Variants in ANO9 observed in about 807,000 individuals in gnomAD.
ANO9 encodes anoctamin 9.
In ANO9, 80 loss-of-function variants were observed where a neutral mutation model predicts 100.5. That is an observed-to-expected ratio of 0.80 (90% CI 0.66 to 0.96). The LOEUF (loss-of-function observed/expected upper bound fraction) is 0.96, where lower values mean the gene tolerates loss of function less well. Among genes scored for constraint, ANO9 ranks in the 40% least tolerant of loss-of-function variants. The probability of loss-of-function intolerance (pLI) is 0.00; values close to 1 mark genes in which losing one functional copy is unlikely to be tolerated. For synonymous variants in ANO9, 473 were observed against 435.6 expected (o/e 1.09, Z -1.07); for missense variants, 1,064 against 1,072.7 (o/e 0.99, Z 0.11).
In ANO9 at chr11:435,092, T is replaced by G. The variant is rs1849345424; in HGVS notation, c.7-994A>C. ...AGCAGAAGGATATAGTATTGTAGTG[T>G]AGTGTAGTGTAGTATAGGATAGCAT... On this transcript the variant is annotated intron_variant, in intron 1 of 22. Coordinates refer to ENST00000332826, the MANE Select transcript of ANO9 (RefSeq NM_001012302.3). Among the ~76,000 whole-genome samples, 4 of 152,244 alleles carry G rather than the reference T, an allele frequency of 2.6e-5. No homozygotes were observed. In the South Asian group the frequency reaches 8.3e-4, roughly 32 times the overall value.
At chr11:440,641 T>A (rs1290802776) in intron 1 of ANO9, 1 of 152,436 alleles carries the variant, frequency 6.6e-6, no homozygotes. Flanking sequence ...GCAACCCTCC[T>A]GCCTCAGCCT....
intron 1 of ANO9, among the ~76,000 whole-genome samples, chr11:436,054 T>C (rs1229475580): frequency 6.7e-6 from 1 of 148,376 alleles, no homozygotes; most frequent in Admixed American, 6.7e-5. Context: ...TTTTTTTTTC[T>C]TTTCTTTCCT....
chr11:436,501 G>C (rs1030791598), intron 1 of ANO9, among the ~76,000 whole-genome samples: 2 of 151,728 alleles, frequency 1.3e-5, no homozygotes, highest in Non-Finnish European at 2.9e-5. Flanking sequence ...CTCAACCACA[G>C]AAGCCAGGAA....
chr11:433,317 G>C lies in ANO9; in HGVS notation c.347C>G (p.Thr116Arg). ...LAAPTTIPVT[T>R]SLRIRIVNFV... ...GGCTCTGGGTGCAGCCTCTCACCTC[G>C]TGGTGACCGGGATGGTGGTCGGCGC... The change falls in exon 4 of 23, where the codon ACG becomes AGG. Residue 116 changes from threonine (T) to arginine (R), a missense_variant. Physicochemically the swap from Thr to Arg is moderately conservative, Grantham distance 71. Coordinates refer to ENST00000332826, the MANE Select transcript of ANO9 (RefSeq NM_001012302.3). 1 of 1,611,778 alleles carries C rather than the reference G, an allele frequency of 6.2e-7. No individual in the cohort carries two copies. The highest frequency in any genetic ancestry group is 8.5e-7 in the Non-Finnish European group (1 of 1,179,514).
At chr11:423,885 TCA>T (rs57182615) in intron 15 of ANO9, among the ~76,000 whole-genome samples, 1,499 of 143,348 alleles carry the variant, frequency 0.01, 6 homozygotes, top group Admixed American at 0.016. Context: ...AGTTGAATAC[TCA>T]CACACACACA....
chr11:425,273 G>C (rs971602289), intron 15 of ANO9, among the ~76,000 whole-genome samples: 1 of 6,102 alleles, frequency 1.6e-4, no homozygotes, highest in Non-Finnish European at 3.5e-4. Context: ...AAGGCGGCGT[G>C]GAGAGACGGG....
chr11:419,463 A>C, intron 20 of ANO9, 119 bp downstream of exon 20: 2 of 1,461,860 alleles, frequency 1.4e-6, no homozygotes, highest in Non-Finnish European at 1.8e-6. Flanking sequence ...AGCCTCACTA[A>C]AGCCCCAGGG....
intron 17 of ANO9, 27 bp downstream of exon 17, chr11:420,918 C>T (rs764289119): frequency 5.1e-6 from 8 of 1,567,886 alleles, no homozygotes; most frequent in East Asian, 2.3e-5. Flanking sequence ...CTGGGGCTCC[C>T]GGGGCTGGGC....
In ANO9 at chr11:433,423, G is replaced by A. The variant is rs778341013; in HGVS notation, c.241C>T (p.Arg81Cys). 1.5e-4 allele frequency: 238 copies of A among 1,613,170 alleles called. 1 individual carries two copies. Among genetic ancestry groups the A allele is most frequent in the Admixed American group, 2.2e-4 (13 of 59,958 alleles). ...RDQKQVFFGIRADNSVFGLYR... is the reference protein window; with the variant it reads ...RDQKQVFFGICADNSVFGLYR... ...AGGCCAAAGACACTGTTGTCAGCAC[G>A]GATCCCAAAGAAGACCTGTTTCTGG... The change falls in exon 4 of 23, where the codon CGT (arginine) becomes TGT (cysteine). Residue 81 changes from arginine (R) to cysteine (C), a missense_variant. Coordinates refer to ENST00000332826, the MANE Select transcript of ANO9 (RefSeq NM_001012302.3).
At position 420,606 on chromosome 11, in the gene ANO9, T is replaced by C. The variant is rs1848114540; in HGVS notation, c.1643A>G (p.Tyr548Cys). 5 of 1,604,866 alleles carry C rather than the reference T, an allele frequency of 3.1e-6. No homozygotes were observed. Among genetic ancestry groups the C allele is most frequent in the Non-Finnish European group, 4.2e-6 (5 of 1,179,466 alleles). Residue 548 changes from tyrosine to cysteine, a missense_variant, in exon 19 of 23, where the codon TAC (tyrosine) becomes TGC (cysteine). Coordinates refer to ENST00000332826, the MANE Select transcript of ANO9 (RefSeq NM_001012302.3). ...GGCCACGAAGATGGTGGTGAAGCCG[T>C]ACTGGATCACTGCGCGGTGGGGGTC... ...FDEFMEMMIQ[Y>C]GFTTIFVAAF... is the part of the protein sequence containing the mutation.
intron 1 of ANO9, among the ~76,000 whole-genome samples, chr11:439,512 A>G (rs1845679376): frequency 1.1e-5 from 1 of 88,436 alleles, no homozygotes; most frequent in African/African-American, 5.8e-5. Context: ...CCAGCTGTGC[A>G]TGAGAAGGAG....
chr11:428,896 A>G (rs1161111217), intron 11 of ANO9, 70 bp from the exon 12 acceptor site: 11 of 1,443,458 alleles, frequency 7.6e-6, no homozygotes, highest in Non-Finnish European at 9.6e-6. Flanking sequence ...AGACACAGAG[A>G]CACACCTCAC....
At chr11:418,668 G>C in intron 22 of ANO9, 52 bp downstream of exon 22, 1 of 1,611,018 alleles carries the variant, frequency 6.2e-7, no homozygotes, top group Non-Finnish European at 8.5e-7. Flanking sequence ...GAGAAGGACT[G>C]GGGAGAGCAC....
At chr11:430,221 A>G (rs1463857913) in intron 8 of ANO9, 42 bp from the exon 9 acceptor site, 3 of 1,550,658 alleles carry the variant, frequency 1.9e-6, no homozygotes, top group Non-Finnish European at 2.6e-6. Flanking sequence ...TCCTCCAGGC[A>G]GCAGGGCCCA....
chr11:433,876 G>A lies in ANO9; in HGVS notation c.143C>T (p.Pro48Leu), dbSNP rs1198784823. ...GAACTGTTGCTGCCGCGCCTGCCGGGGGTCTCTCTGGGTGTGACGTTGGGC... is the reference window on the plus strand; with the variant it reads ...GAACTGTTGCTGCCGCGCCTGCCGGAGGTCTCTCTGGGTGTGACGTTGGGC... ...LVAQRHTQRD[P>L]RQARQQQFLE... is the part of the protein sequence containing the mutation. The change falls in exon 3 of 23, where the codon CCC (proline) becomes CTC (leucine). Residue 48 changes from proline (P) to leucine (L), a missense_variant. Pro to Leu is a moderately conservative substitution (Grantham distance 98). Transcript: ENST00000332826. 1 of 1,563,280 alleles carries A rather than the reference G, an allele frequency of 6.4e-7. No individual in the cohort carries two copies. Among genetic ancestry groups the A allele is most frequent in the East Asian group, 2.3e-5 (1 of 42,876 alleles).
rs542960635 is a variant in ANO9 at position 432,994 on chromosome 11, T to C, written c.350+320A>G. 2.8e-6 allele frequency: 1 copy of C among 353,358 alleles called. No individual in the cohort carries two copies. The highest frequency in any genetic ancestry group is 2.1e-5 in the African/African-American group (1 of 46,850). The allele number at this position is 353,358 out of a possible 1,614,324, so 21.9% of individuals were successfully genotyped here. A position where few individuals can be genotyped will look rare whatever the true frequency, so the allele number is the denominator to read the frequency against. ...GGTCTTCAAGAGACACTGGCCTTGA[T>C]CCAGGAGGGGCCCCTGGGCCTCTGC... On this transcript the variant is annotated intron_variant, in intron 4 of 22. Coordinates refer to ENST00000332826, the MANE Select transcript of ANO9 (RefSeq NM_001012302.3). The surrounding 1 kb of genome is among the most constrained non-coding windows in gnomAD (Gnocchi z 4.8).
Position 433,901 on chromosome 11 carries a change from C to T in ANO9, c.118G>A (p.Ala40Thr). 1 of 1,563,684 alleles carries T rather than the reference C, an allele frequency of 6.4e-7. No homozygotes were observed. The highest frequency in any genetic ancestry group is 2.3e-5 in the East Asian group (1 of 42,990). Residue 40 changes from alanine to threonine, a missense_variant, in exon 3 of 23, where the codon GCC (alanine) becomes ACC (threonine). By Grantham distance (58) the Ala-to-Thr change is moderately conservative (BLOSUM62 0). Transcript: ENST00000332826. ...ASEQWDYVLV[A>T]QRHTQRDPRQ... is the part of the protein sequence containing the mutation. ...GGGTCTCTCTGGGTGTGACGTTGGG[C>T]CACGAGGACATAGTCCCACTGCTCG...
chr11:418,685 G>T (rs200963861), intron 22 of ANO9, 35 bp downstream of exon 22: 2 of 1,612,244 alleles, frequency 1.2e-6, no homozygotes, highest in East Asian at 2.2e-5. Context: ...GCACTGCCCA[G>T]ACCCACTCCG....
In ANO9 at chr11:428,839, C is replaced by A. The variant is rs368659312; in HGVS notation, c.916-13G>T. On this transcript the variant is annotated splice_polypyrimidine_tract_variant and intron_variant, in intron 11 of 22. Transcript: ENST00000332826. Reference sequence around the variant, plus strand: ...GTGCCATTTCCTCCTGGGGAGAGCACCGGGCAAGCCTCAGACAAGGGACAC... The same window carrying A: ...GTGCCATTTCCTCCTGGGGAGAGCAACGGGCAAGCCTCAGACAAGGGACAC... 1.2e-6 allele frequency: 2 copies of A among 1,611,758 alleles called. No individual in the cohort carries two copies. The highest frequency in any genetic ancestry group is 8.5e-7 in the Non-Finnish European group (1 of 1,179,182).
Sources: allele counts gnomAD v4.1 joint callset (sites outside exome capture counted in the v4.1 genomes callset), GRCh38; gene constraint gnomAD v4.1.1; non-coding constraint Gnocchi (gnomAD v3.1); transcripts MANE v1.5; gene names NCBI Gene and HGNC (gene_info 2026-07-23, HGNC 2026-07-21).